The following VWA5A variants were observed in gnomAD, a reference collection of about 807,000 sequenced individuals.
The protein encoded by VWA5A is von Willebrand factor A domain containing 5A.
Under a neutral mutation model 84.6 loss-of-function variants are expected in VWA5A, and 77 were observed. The ratio of observed to expected loss-of-function variants is 0.91; its 90% CI spans 0.76 to 1.10. The LOEUF (loss-of-function observed/expected upper bound fraction) is 1.10. Ranked by LOEUF, VWA5A falls within the 50% of genes least tolerant of loss-of-function variation. The pLI, the probability that VWA5A is intolerant of heterozygous loss-of-function variation, is 0.00. For missense variants in VWA5A, 973 were observed against 963.0 expected (o/e 1.01, Z -0.14); for synonymous variants, 334 against 350.1 (o/e 0.95, Z 0.51).
intron 11 of VWA5A, among the ~76,000 whole-genome samples, chr11:124,134,220 A>G (rs930633030): frequency 6.6e-6 from 1 of 152,208 alleles, no homozygotes; most frequent in Non-Finnish European, 1.5e-5. Context: ...CATTGATCCT[A>G]ATGCTGATGC....
Position 124,123,021 on chromosome 11 carries a change from A to G in VWA5A, c.822A>G (p.Gln274=). ...VSFYPNIPED[Q]PSNTCGEFIF... is the part of the protein sequence containing the mutation. ...TCTATCCAAATATCCCAGAAGATCAACCATCAAATACCTGTGGAGAGTTTA... is the reference window on the plus strand; with the variant it reads ...TCTATCCAAATATCCCAGAAGATCAGCCATCAAATACCTGTGGAGAGTTTA... Residue 274 remains glutamine (Q), a synonymous_variant, in exon 8 of 19, where the codon CAA becomes CAG. Transcript: ENST00000456829. 1 of 1,614,146 alleles carries G rather than the reference A, an allele frequency of 6.2e-7. No individual in the cohort carries two copies. The highest frequency in any genetic ancestry group is 8.5e-7 in the Non-Finnish European group (1 of 1,180,038).
At position 124,147,055 on chromosome 11, in the gene VWA5A, G is replaced by A. The variant is rs190368875; in HGVS notation, c.*1110G>A. 3.2e-3 allele frequency: 531 copies of A among 166,362 alleles called. 3 individuals carry two copies. Among genetic ancestry groups the A allele is most frequent in the Non-Finnish European group, 2.4e-4 (16 of 68,072 alleles). The allele number at this position is 166,362 out of a possible 1,614,324, so 10.3% of individuals were successfully genotyped here. Reference sequence around the variant, plus strand: ...GAAGTTAGTGAAATAAAACTTAGTAGGGAAAAAAAGCTTAGCAAGAGGTCT... The same window carrying A: ...GAAGTTAGTGAAATAAAACTTAGTAAGGAAAAAAAGCTTAGCAAGAGGTCT... On this transcript the variant is annotated 3_prime_UTR_variant, in exon 19 of 19. Coordinates refer to ENST00000456829, the MANE Select transcript of VWA5A (RefSeq NM_001130142.2).
chr11:124,130,251 A>G (rs1178404714), intron 11 of VWA5A, among the ~76,000 whole-genome samples: 1 of 152,180 alleles, frequency 6.6e-6, no homozygotes, highest in Non-Finnish European at 1.5e-5. Flanking sequence ...GTGGTCATTC[A>G]GGAGCAGTTG....
At chr11:124,118,494 T>C in intron 5 of VWA5A, 39 bp from the exon 6 acceptor site, 1 of 1,611,474 alleles carries the variant, frequency 6.2e-7, no homozygotes, top group Middle Eastern at 1.7e-4. Context: ...TCATAAAAAG[T>C]GTTGGCAAGG....
chr11:124,123,960 T>C, intron 10 of VWA5A, 156 bp downstream of exon 10: 5 of 1,199,828 alleles, frequency 4.2e-6, no homozygotes, highest in Non-Finnish European at 4.5e-6. Context: ...TGCATTTGTC[T>C]TCTTCCTTAA....
At chr11:124,117,963 T>G in intron 4 of VWA5A, 88 bp downstream of exon 4, 1 of 1,482,442 alleles carries the variant, frequency 6.7e-7, no homozygotes, top group Non-Finnish European at 9.2e-7. Context: ...CTCTACTAAA[T>G]GTACCTTCAC....
chr11:124,118,246 G>A lies in VWA5A; in HGVS notation c.304G>A (p.Gly102Arg), dbSNP rs867374152. 1 of 1,614,180 alleles carries A rather than the reference G, an allele frequency of 6.2e-7. No individual in the cohort carries two copies. ...GGGCCACCAGGCCTTCTTATTGGAG[G>A]GGGACAGCAGCTCCAGGGATGTCTT... Reference protein sequence around the residue: ...SQGHQAFLLEGDSSSRDVFSC... With the variant: ...SQGHQAFLLERDSSSRDVFSC... The change falls in exon 5 of 19, where the codon GGG (glycine) becomes AGG (arginine). Residue 102 changes from glycine (G) to arginine (R), a missense_variant. Gly to Arg is a moderately radical substitution (Grantham distance 125). Transcript: ENST00000456829.
chr11:124,116,817 A>T (rs1414649016), intron 2 of VWA5A, 137 bp downstream of exon 2: 3 of 152,228 alleles, frequency 2.0e-5, no homozygotes, highest in African/African-American at 7.2e-5. Flanking sequence ...ATTTAAATAT[A>T]TTAGAATATC....
At chr11:124,121,726 A>C (rs889251537) in intron 7 of VWA5A, among the ~76,000 whole-genome samples, 6 of 152,182 alleles carry the variant, frequency 3.9e-5, no homozygotes, top group Non-Finnish European at 8.8e-5. Context: ...TGGAGGTGAA[A>C]ATAATTTGAG....
intron 16 of VWA5A, among the ~76,000 whole-genome samples, chr11:124,142,060 C>T (rs917946368): frequency 1.3e-5 from 2 of 152,134 alleles, no homozygotes; most frequent in African/African-American, 2.4e-5. Context: ...CAGATTTGTT[C>T]CGCCCCTATG....
intron 11 of VWA5A, 165 bp downstream of exon 11, chr11:124,124,481 T>A: frequency 7.3e-7 from 1 of 1,365,650 alleles, no homozygotes; most frequent in South Asian, 2.0e-5. Context: ...TTAAAAACAG[T>A]TTTCCAAATA....
chr11:124,136,954 G>C, intron 14 of VWA5A, 61 bp from the exon 15 acceptor site: 2 of 1,559,986 alleles, frequency 1.3e-6, no homozygotes, highest in Non-Finnish European at 1.7e-6. Context: ...TAGGAGCCCT[G>C]AGAAACTGGT....
rs1248675542 is a variant in VWA5A at position 124,141,749 on chromosome 11, C to T, written c.2023+8C>T. ...AGGACCAGCACAGTCCAGGTGAGTA[C>T]CTTTATAGGAACATTTTCTCAACAA... On this transcript the variant is annotated splice_region_variant and intron_variant, in intron 16 of 18. Transcript: ENST00000456829. The T allele has an allele frequency of 1.2e-6, 2 of 1,612,084 alleles. No homozygotes were observed. The highest frequency in any genetic ancestry group is 2.7e-5 in the African/African-American group (2 of 74,772).
chr11:124,131,391 T>A (rs1313755048), intron 11 of VWA5A, among the ~76,000 whole-genome samples: 3 of 152,068 alleles, frequency 2.0e-5, no homozygotes, highest in Admixed American at 6.6e-5. Context: ...TTTGGAATTT[T>A]TTTATTTAAT....
In VWA5A at chr11:124,141,730, A is replaced by G; in HGVS notation, c.2012A>G (p.Gln671Arg). ...TGTGGGTTGATAAGTCACAAGGACC[A>G]GCACAGTCCAGGTGAGTACCTTTAT... The part of the protein sequence containing the change: ...SLCGLISHKD[Q>R]HSPGFGENHL... The change falls in exon 16 of 19, where the codon CAG becomes CGG. Residue 671 changes from glutamine (Q) to arginine (R), a missense_variant. Gln to Arg is a conservative substitution (Grantham distance 43). Coordinates refer to ENST00000456829, the MANE Select transcript of VWA5A (RefSeq NM_001130142.2). The G allele has an allele frequency of 6.2e-7, 1 of 1,614,200 alleles. No individual in the cohort carries two copies. Among genetic ancestry groups the G allele is most frequent in the Non-Finnish European group, 8.5e-7 (1 of 1,180,024 alleles).
intron 7 of VWA5A, among the ~76,000 whole-genome samples, chr11:124,121,083 A>C (rs929860053): frequency 2.0e-5 from 3 of 152,236 alleles, no homozygotes; most frequent in Admixed American, 2.0e-4. Context: ...AAGGAAGCGA[A>C]TGACAGCTTT....
chr11:124,140,794 T>C (rs1860711009), intron 15 of VWA5A, among the ~76,000 whole-genome samples: 1 of 152,176 alleles, frequency 6.6e-6, no homozygotes, highest in African/African-American at 2.4e-5. Flanking sequence ...TGCTACTTTG[T>C]CCAGGCTGGT....
intron 12 of VWA5A, among the ~76,000 whole-genome samples, chr11:124,135,522 C>CTTTTTTT (rs60188800): frequency 1.4e-4 from 12 of 84,344 alleles, no homozygotes; most frequent in African/African-American, 1.9e-4. Flanking sequence ...GGTGGTATTT[C>CTTTTTTT]TTTTTTTTTT....
At chr11:124,123,174 G>C in intron 8 of VWA5A, 45 bp downstream of exon 8, 1 of 1,588,016 alleles carries the variant, frequency 6.3e-7, no homozygotes, top group African/African-American at 1.3e-5. Context: ...GCTCAAGTGA[G>C]GATGAATCTG....
Sources: gnomAD v4.1 joint callset for allele counts (sites outside exome capture counted in the v4.1 genomes callset) on GRCh38, gnomAD v4.1.1 for gene constraint, MANE v1.5 for transcripts, NCBI Gene and HGNC (gene_info 2026-07-23, HGNC 2026-07-21) for gene names.